Variants in C17orf99 observed in about 807,000 individuals in gnomAD.
The protein encoded by C17orf99 is protein IL-40.
Under a neutral mutation model 22.6 loss-of-function variants are expected in C17orf99, and 18 were observed. That is an observed-to-expected ratio of 0.80 (90% CI 0.55 to 1.18). The LOEUF (loss-of-function observed/expected upper bound fraction) is 1.18. C17orf99 is among the 50% of genes most tolerant of loss of function. C17orf99 has a pLI of 0.00. For synonymous variants in C17orf99, 147 were observed against 136.6 expected, an observed-to-expected ratio of 1.08 and a Z score of -0.53; for missense variants, 328 against 342.7, an observed-to-expected ratio of 0.96 and a Z score of 0.34.
At chr17:78,157,959 T>C in intron 2 of C17orf99, 3 of 1,199,072 alleles carry the variant, frequency 2.5e-6, no homozygotes, top group Non-Finnish European at 3.7e-6. Flanking sequence ...TATGGAGATA[T>C]CTGCCTGTCA....
chr17:78,154,464 C>T (rs2075509933), intron 2 of C17orf99, among the ~76,000 whole-genome samples: 1 of 152,040 alleles, frequency 6.6e-6, no homozygotes, highest in African/African-American at 2.4e-5. Flanking sequence ...AGGAGAATCG[C>T]TTGAACCCGG....
rs903932934 is a variant in C17orf99, at chr17:78,151,881, G to C, written c.70+4970G>C. The stretch of plus-strand genomic sequence containing the variant: ...CAGAGCCCCTCCCTAGGTCTAATGA[G>C]TTGCAACCTCCAGGGTTGGGACTGG... On this transcript the variant is annotated intron_variant, in intron 2 of 4. Transcript: ENST00000340363. 5.3e-5 allele frequency among the ~76,000 whole-genome samples: 8 copies of C among 152,292 alleles called. No homozygotes were observed. In the East Asian group the frequency reaches 9.6e-4, roughly 18 times the overall value.
chr17:78,151,939 G>C (rs564825224), intron 2 of C17orf99, among the ~76,000 whole-genome samples: 59 of 152,250 alleles, frequency 3.9e-4, no homozygotes, highest in Non-Finnish European at 7.5e-4. Context: ...ACAGAGACCA[G>C]TCTGGAGAGG....
At chr17:78,165,087 C>A (rs2075608176) in intron 4 of C17orf99, 4 of 1,050,436 alleles carry the variant, frequency 3.8e-6, no homozygotes, top group Non-Finnish European at 4.6e-6. Flanking sequence ...GGGGCCCAGC[C>A]TCCCAGGGTC....
intron 2 of C17orf99, among the ~76,000 whole-genome samples, chr17:78,149,326 T>A (rs1195518612): frequency 2.0e-4 from 19 of 95,336 alleles, no homozygotes; most frequent in African/African-American, 7.6e-4. Flanking sequence ...AGAGAGACTC[T>A]GCCTCAAAAA....
chr17:78,155,033 G>A (rs1166607779), intron 2 of C17orf99, among the ~76,000 whole-genome samples: 1 of 151,980 alleles, frequency 6.6e-6, no homozygotes, highest in Non-Finnish European at 1.5e-5. Flanking sequence ...TTTGAGGCCA[G>A]ACCATTCTTC....
intron 4 of C17orf99, chr17:78,165,133 G>T: frequency 9.7e-7 from 1 of 1,031,342 alleles, no homozygotes; most frequent in Non-Finnish European, 1.2e-6. Context: ...AACATGTAAA[G>T]TGACCAAGGC....
In C17orf99 at chr17:78,152,808, C is replaced by T. The variant is rs145469379; in HGVS notation, c.70+5897C>T. Among the ~76,000 whole-genome samples, 386 of 150,794 alleles carry T rather than the reference C, an allele frequency of 2.6e-3. 2 individuals are homozygous for T. The highest frequency in any genetic ancestry group is 8.5e-3 in the African/African-American group (351 of 41,182). The stretch of plus-strand genomic sequence containing the variant: ...ATTTTGAATTAAATGATAGGCCAGG[C>T]GGGTGGCTCACGCCTATAATCCCAG... On this transcript the variant is annotated intron_variant, in intron 2 of 4. Transcript: ENST00000340363.
At position 78,146,796 on chromosome 17, in the gene C17orf99, G is replaced by T. The variant is rs986688785; in HGVS notation, c.38-83G>T. The T allele has an allele frequency of 3.4e-5, 45 of 1,336,072 alleles. No homozygotes were observed. Among genetic ancestry groups the T allele is most frequent in the Non-Finnish European group, 4.3e-5 (41 of 952,954 alleles). The allele number at this position is 1,336,072 out of a possible 1,614,324, so 82.8% of individuals were successfully genotyped here. ...AGAATCAGCCTGCTCCTCCCTCCTG[G>T]CTTCAGCAGGTGGGTCTCGAGGCTG... is the stretch of plus-strand genomic sequence containing the variant. On this transcript the variant is annotated intron_variant, in intron 1 of 4. Transcript: ENST00000340363. This position sits in a 1 kb window ranked among gnomAD's most constrained non-coding sequence, Gnocchi z 5.2.
intron 2 of C17orf99, among the ~76,000 whole-genome samples, chr17:78,150,845 C>A (rs988046445): frequency 1.3e-5 from 2 of 152,126 alleles, no homozygotes; most frequent in South Asian, 4.1e-4. Context: ...CAGAGGAGGC[C>A]GGACACAGTG....
At chr17:78,161,358 C>A in intron 3 of C17orf99, 104 bp downstream of exon 3, 1 of 1,056,248 alleles carries the variant, frequency 9.5e-7, no homozygotes, top group Non-Finnish European at 1.4e-6. Flanking sequence ...TAGAGAGAGC[C>A]AGGGTGTGAG....
intron 3 of C17orf99, 133 bp downstream of exon 3, chr17:78,161,387 C>A: frequency 2.6e-6 from 2 of 768,902 alleles, no homozygotes; most frequent in Non-Finnish European, 4.1e-6. Context: ...CAAGGACAGG[C>A]TGCCACCTCC....
chr17:78,153,816 A>G (rs2075504129), intron 2 of C17orf99, among the ~76,000 whole-genome samples: 1 of 150,904 alleles, frequency 6.6e-6, no homozygotes, highest in Admixed American at 6.6e-5. Context: ...CTGCAAGAGG[A>G]TGCCCCAGAG....
At chr17:78,164,977 T>C (rs1181869767) in intron 4 of C17orf99, 6 of 1,117,738 alleles carry the variant, frequency 5.4e-6, no homozygotes. Context: ...TGAGCAGGGA[T>C]TGCAGGGATG....
At chr17:78,158,300 A>AT (rs113477288) in intron 2 of C17orf99, 2,184 of 337,376 alleles carry the variant, frequency 6.5e-3, no homozygotes, top group Non-Finnish European at 8.3e-3. Context: ...CCTCCTACAC[A>AT]TTTTTTTTTT....
rs149313469 is a variant in C17orf99 at position 78,147,423 on chromosome 17, G to A, written c.70+512G>A. On this transcript the variant is annotated intron_variant, in intron 2 of 4. Transcript: ENST00000340363. ...TACACGAGGCTGCCTTCCTTATAGAGGCAGGTGGGGAGTGGAGAGTGTCTG... is the reference window on the plus strand; with the variant it reads ...TACACGAGGCTGCCTTCCTTATAGAAGCAGGTGGGGAGTGGAGAGTGTCTG... 4.0e-3 allele frequency among the ~76,000 whole-genome samples: 609 copies of A among 152,294 alleles called. 1 individual carries two copies. The highest frequency in any genetic ancestry group is 0.013 in the African/African-American group (556 of 41,564).
chr17:78,150,332 A>G lies in C17orf99; in HGVS notation c.70+3421A>G, dbSNP rs78113113. Among the ~76,000 whole-genome samples the G allele has an allele frequency of 4.1e-3, 621 of 152,112 alleles. 7 individuals carry two copies. Among genetic ancestry groups the G allele is most frequent in the African/African-American group, 0.015 (602 of 41,494 alleles). On this transcript the variant is annotated intron_variant, in intron 2 of 4. Coordinates refer to ENST00000340363, the MANE Select transcript of C17orf99 (RefSeq NM_001163075.2). ...TAATATTTCAAATTTTTTTGTAGCA[A>G]TTGGGTCTTCCTATTTTGCCCAGCT...
chr17:78,154,601 G>GC (rs57946184), intron 2 of C17orf99, among the ~76,000 whole-genome samples: 1 of 103,124 alleles, frequency 9.7e-6, no homozygotes, highest in Non-Finnish European at 2.3e-5. Context: ...CCAGCACTTT[G>GC]GGGGGCTGAG....
chr17:78,146,936 G>T lies in C17orf99; in HGVS notation c.70+25G>T. ...GGTAAGTGGCATAGCCTGCTGCAGG[G>T]AGAAGTCCCCCAGCTGGGACCCTGG... On this transcript the variant is annotated intron_variant, in intron 2 of 4. Transcript: ENST00000340363. This position sits in a 1 kb window ranked among gnomAD's most constrained non-coding sequence, Gnocchi z 5.2. 6.5e-7 allele frequency: 1 copy of T among 1,549,730 alleles called. No individual in the cohort carries two copies.
Sources: gnomAD v4.1 joint callset for allele counts (sites outside exome capture counted in the v4.1 genomes callset) on GRCh38, gnomAD v4.1.1 for gene constraint, Gnocchi (gnomAD v3.1) non-coding constraint, MANE v1.5 for transcripts, NCBI Gene and HGNC (gene_info 2026-07-23, HGNC 2026-07-21) for gene names.